The following SUPT3H variants were observed in gnomAD, a reference collection of about 807,000 sequenced individuals.
SUPT3H encodes the protein transcription initiation protein SPT3 homolog.
In SUPT3H, 44 loss-of-function variants were observed where a neutral mutation model predicts 44.3. That is an observed-to-expected ratio of 0.99 (90% CI 0.78 to 1.28). SUPT3H has a LOEUF of 1.28. Among genes scored for constraint, SUPT3H ranks in the 50% most tolerant of loss-of-function variants. The pLI, the probability that SUPT3H is intolerant of heterozygous loss-of-function variation, is 0.00. For synonymous variants in SUPT3H, 124 were observed against 125.6 expected (o/e 0.99, Z 0.09); for missense variants, 380 against 387.1 (o/e 0.98, Z 0.15).
At chr6:44,916,574 A>T (rs1041752836) in intron 10 of SUPT3H, among the ~76,000 whole-genome samples, 4 of 152,156 alleles carry the variant, frequency 2.6e-5, no homozygotes, top group Non-Finnish European at 5.9e-5. Flanking sequence ...ACTAACTGAA[A>T]ATGGACATAG....
chr6:44,903,456 A>C (rs1478744158), intron 10 of SUPT3H, among the ~76,000 whole-genome samples: 1 of 152,216 alleles, frequency 6.6e-6, no homozygotes, highest in African/African-American at 2.4e-5. Flanking sequence ...TCCTGGACAC[A>C]TACACCCTCC....
At chr6:45,130,697 C>A (rs201035401) in intron 2 of SUPT3H, among the ~76,000 whole-genome samples, 820 of 32,898 alleles carry the variant, frequency 0.025, no homozygotes, top group East Asian at 0.032. Flanking sequence ...AAAAAAAAAA[C>A]AAAAAAAAAA....
chr6:45,184,889 G>C (rs974720628), intron 2 of SUPT3H, among the ~76,000 whole-genome samples: 1 of 151,550 alleles, frequency 6.6e-6, no homozygotes, highest in Non-Finnish European at 1.5e-5. Flanking sequence ...GGCAGTATCA[G>C]CCAATCATCA....
chr6:45,169,027 G>A (rs1486652706), intron 2 of SUPT3H, among the ~76,000 whole-genome samples: 1 of 152,178 alleles, frequency 6.6e-6, no homozygotes, highest in Admixed American at 6.6e-5. Flanking sequence ...ATGTAGTGAT[G>A]AGTATGAAGT....
At chr6:45,053,647 C>T (rs1271949372) in intron 3 of SUPT3H, among the ~76,000 whole-genome samples, 13 of 150,952 alleles carry the variant, frequency 8.6e-5, no homozygotes. Flanking sequence ...GCCTGTAATC[C>T]CAGCACTTTG....
intron 10 of SUPT3H, among the ~76,000 whole-genome samples, chr6:44,909,845 G>A (rs1426209291): frequency 6.6e-6 from 1 of 152,210 alleles, no homozygotes; most frequent in Non-Finnish European, 1.5e-5. Context: ...TTTTAGAAAT[G>A]TTGGCAGGCT....
chr6:44,945,824 A>G (rs182848223), intron 9 of SUPT3H, among the ~76,000 whole-genome samples: 6 of 152,330 alleles, frequency 3.9e-5, no homozygotes, highest in East Asian at 1.9e-4. Context: ...GCTAAGATCA[A>G]TGATGAAGAT....
At chr6:45,127,787 G>T (rs895876833) in intron 2 of SUPT3H, among the ~76,000 whole-genome samples, 2 of 151,940 alleles carry the variant, frequency 1.3e-5, no homozygotes, top group African/African-American at 2.4e-5. Context: ...TTAAGGTAGA[G>T]GAAATACTGA....
intron 9 of SUPT3H, 73 bp downstream of exon 9, chr6:44,953,237 G>T: frequency 2.7e-6 from 3 of 1,118,634 alleles, no homozygotes; most frequent in Non-Finnish European, 2.7e-6. Context: ...CTTTATTAAA[G>T]AATCACTAAT....
chr6:44,999,239 G>A (rs146963797), intron 6 of SUPT3H, among the ~76,000 whole-genome samples: 221 of 152,098 alleles, frequency 1.5e-3, no homozygotes, highest in African/African-American at 5.0e-3. Flanking sequence ...GAAAGATTTT[G>A]TTTGATTCTT....
chr6:44,829,828 A>G lies in SUPT3H; in HGVS notation c.942T>C (p.Phe314=). Residue 314 remains phenylalanine (F), a synonymous_variant, in exon 11 of 11, where the codon TTT becomes TTC. Transcript: ENST00000371459. Reference sequence around the variant, plus strand: ...CACAGTTGTCACATCAGCAGGCTAGAAAAGCCATCCCATTCCTGCGGTAGG... The same window carrying G: ...CACAGTTGTCACATCAGCAGGCTAGGAAAGCCATCCCATTCCTGCGGTAGG... ...TNAYRRNGMA[F]LAC 6.2e-7 allele frequency: 1 copy of G among 1,613,294 alleles called. No individual in the cohort carries two copies. The highest frequency in any genetic ancestry group is 8.5e-7 in the Non-Finnish European group (1 of 1,179,288).
At chr6:45,351,256 T>C (rs940894906) in intron 2 of SUPT3H, among the ~76,000 whole-genome samples, 2 of 152,028 alleles carry the variant, frequency 1.3e-5, no homozygotes, top group African/African-American at 4.8e-5. Context: ...CACTCATCAC[T>C]TCAGCCACTC....
intron 3 of SUPT3H, among the ~76,000 whole-genome samples, chr6:45,062,519 C>T (rs868255585): frequency 3.9e-5 from 6 of 152,260 alleles, no homozygotes; most frequent in Non-Finnish European, 4.4e-5. Context: ...ACGCAGAAGA[C>T]GGGTGATTTC....
At chr6:44,958,570 TC>T (rs1169129652) in intron 7 of SUPT3H, among the ~76,000 whole-genome samples, 2 of 152,144 alleles carry the variant, frequency 1.3e-5, no homozygotes, top group Non-Finnish European at 2.9e-5. Flanking sequence ...TGTGTTCATT[TC>T]CCCATATAAG....
At chr6:45,106,159 T>C (rs1334240361) in intron 2 of SUPT3H, among the ~76,000 whole-genome samples, 153 bp from the exon 3 acceptor site, 1 of 152,226 alleles carries the variant, frequency 6.6e-6, no homozygotes, top group Non-Finnish European at 1.5e-5. Context: ...TGGCCAGGTG[T>C]GGTGGCTCAC....
chr6:45,359,956 C>T (rs1793957565), intron 2 of SUPT3H, among the ~76,000 whole-genome samples: 1 of 152,148 alleles, frequency 6.6e-6, no homozygotes, highest in Non-Finnish European at 1.5e-5. Flanking sequence ...AGGAGGATCA[C>T]CTGGTCCTTG....
At chr6:45,009,437 T>C (rs533410870) in intron 5 of SUPT3H, among the ~76,000 whole-genome samples, 2 of 152,328 alleles carry the variant, frequency 1.3e-5, no homozygotes, top group Admixed American at 6.5e-5. Context: ...AAGAATTTTA[T>C]AGTTTGAGCC....
chr6:44,977,004 TTTA>T (rs1778430283), intron 6 of SUPT3H, among the ~76,000 whole-genome samples: 1 of 152,220 alleles, frequency 6.6e-6, no homozygotes, highest in Non-Finnish European at 1.5e-5. Context: ...GTGCCCACAT[TTTA>T]TTCAGGCTTT....
In SUPT3H at chr6:44,953,402, G is replaced by A; in HGVS notation, c.709C>T (p.Leu237Phe). 1.2e-6 allele frequency: 2 copies of A among 1,614,054 alleles called. No individual in the cohort carries two copies. Among genetic ancestry groups the A allele is most frequent in the Non-Finnish European group, 8.5e-7 (1 of 1,179,936 alleles). Residue 237 changes from leucine to phenylalanine, a missense_variant, in exon 9 of 11, where the codon CTT (leucine) becomes TTT (phenylalanine). By Grantham distance (22) the Leu-to-Phe change is conservative. Transcript: ENST00000371459. Reference sequence around the variant, plus strand: ...GTTACCATGTCTTGCCTCACAAGAAGAGCCAGATCCACTAACTAGAAGACC... The same window carrying A: ...GTTACCATGTCTTGCCTCACAAGAAAAGCCAGATCCACTAACTAGAAGACC... Reference protein sequence around the residue: ...ETVAQLVDLALLVRQDMVTKA... With the variant: ...ETVAQLVDLAFLVRQDMVTKA...
Sources: allele counts gnomAD v4.1 joint callset (sites outside exome capture counted in the v4.1 genomes callset), GRCh38; gene constraint gnomAD v4.1.1; transcripts MANE v1.5; gene names NCBI Gene and HGNC (gene_info 2026-07-23, HGNC 2026-07-21).